The following GSKIP variants were observed in gnomAD, a reference collection of about 807,000 sequenced individuals.
The protein encoded by GSKIP is GSK3B-interacting protein.
In GSKIP, 5 loss-of-function variants were observed where a neutral mutation model predicts 11.9. The ratio of observed to expected loss-of-function variants is 0.42; its 90% confidence interval spans 0.22 to 0.89. The LOEUF is 0.89. Ranked by LOEUF, GSKIP falls within the 40% of genes least tolerant of loss-of-function variation. GSKIP has a pLI of 0.29. For missense variants in GSKIP, 150 were observed against 166.6 expected (o/e 0.90, Z 0.55); for synonymous variants, 70 against 62.9 (o/e 1.11, Z -0.54).
intron 1 of GSKIP, chr14:96,365,292 A>G (rs183103505): frequency 3.3e-5 from 5 of 152,062 alleles, no homozygotes; most frequent in Admixed American, 3.3e-4. Context: ...TTGTTTAATA[A>G]GATTACATTT....
intron 1 of GSKIP, among the ~76,000 whole-genome samples, chr14:96,369,556 C>G (rs545982172): frequency 6.6e-6 from 1 of 152,254 alleles, no homozygotes; most frequent in South Asian, 2.1e-4. Flanking sequence ...GAATGCTGCT[C>G]CCTGCATCCT....
At chr14:96,368,125 A>G (rs902694365) in intron 1 of GSKIP, among the ~76,000 whole-genome samples, 1 of 149,398 alleles carries the variant, frequency 6.7e-6, no homozygotes, top group African/African-American at 2.5e-5. Context: ...GTCTTTTCCT[A>G]GAGTCTCATT....
rs1889235872 is a variant in GSKIP at position 96,377,572 on chromosome 14, G to A, written c.-102-2116G>A. 2.0e-5 allele frequency among the ~76,000 whole-genome samples: 3 copies of A among 152,064 alleles called. No individual in the cohort carries two copies. The South Asian group carries it at 6.2e-4, about 32-fold the overall frequency. On this transcript the variant is annotated intron_variant, in intron 1 of 3. Transcript: ENST00000555181. ...ATATGTCTTAAATATTTTAATTGTG[G>A]TAGAATATTTATATAAGTGCTTATA...
rs1482688416 is a variant in GSKIP, at chr14:96,386,868, C to T, written c.*1184C>T. 6.6e-6 allele frequency: 1 copy of T among 152,548 alleles called. No individual in the cohort carries two copies. Among genetic ancestry groups the T allele is most frequent in the African/African-American group, 2.4e-5 (1 of 41,426 alleles). 9.4% of individuals were successfully genotyped at this position (152,548 alleles called of 1,614,324 possible). On this transcript the variant is annotated 3_prime_UTR_variant, in exon 4 of 4. Coordinates refer to ENST00000555181, the MANE Select transcript of GSKIP (RefSeq NM_016472.5). Reference sequence around the variant, plus strand: ...TTGGGGAGTTGTTTTTTAATGGTCACCTAAAGCAGCTGCTATAGAAATGTT... The same window carrying T: ...TTGGGGAGTTGTTTTTTAATGGTCATCTAAAGCAGCTGCTATAGAAATGTT...
rs1889374740 is a variant in GSKIP at position 96,382,498 on chromosome 14, G to C, written c.251G>C (p.Gly84Ala). 3 of 1,600,586 alleles carry C rather than the reference G, an allele frequency of 1.9e-6. No individual in the cohort carries two copies. Among genetic ancestry groups the C allele is most frequent in the Non-Finnish European group, 2.6e-6 (3 of 1,174,176 alleles). ...TATTGCCTAGAACTCACTGAAGCAG[G>C]GCTCAAGGTAACTCACTTTTCCTTT... Reference protein sequence around the residue: ...NRYCLELTEAGLKVVGYAFDQ... With the variant: ...NRYCLELTEAALKVVGYAFDQ... Residue 84 changes from glycine to alanine, a missense_variant, in exon 3 of 4, where the codon GGG becomes GCG. Physicochemically the swap from Gly to Ala is moderately conservative, Grantham distance 60. Transcript: ENST00000555181.
At chr14:96,377,984 C>A (rs1365021782) in intron 1 of GSKIP, among the ~76,000 whole-genome samples, 1 of 152,178 alleles carries the variant, frequency 6.6e-6, no homozygotes, top group Non-Finnish European at 1.5e-5. Context: ...ATGGGCTTGG[C>A]AAGTACTCTA....
chr14:96,369,688 A>G (rs931784505), intron 1 of GSKIP, among the ~76,000 whole-genome samples: 2 of 152,180 alleles, frequency 1.3e-5, no homozygotes, highest in Admixed American at 1.3e-4. Context: ...CAAAAGTGGC[A>G]GAGGCTTGGC....
chr14:96,381,948 T>C (rs1438707924), intron 2 of GSKIP, among the ~76,000 whole-genome samples: 1 of 152,218 alleles, frequency 6.6e-6, no homozygotes, highest in Non-Finnish European at 1.5e-5. Flanking sequence ...GGATTGTTAC[T>C]GAGGCATTAT....
intron 3 of GSKIP, among the ~76,000 whole-genome samples, chr14:96,382,796 C>T (rs895900626): frequency 7.2e-5 from 11 of 152,132 alleles, no homozygotes; most frequent in Non-Finnish European, 1.3e-4. Flanking sequence ...AATGTGTTCA[C>T]CAGAATTATA....
intron 1 of GSKIP, among the ~76,000 whole-genome samples, chr14:96,373,244 A>AG (rs1889102275): frequency 6.6e-6 from 1 of 151,372 alleles, no homozygotes; most frequent in Non-Finnish European, 1.5e-5. Flanking sequence ...AAAAAAAAAA[A>AG]AAAAAAAAGA....
chr14:96,385,961 ATACTAT>A lies in GSKIP; in HGVS notation c.*281_*286del, dbSNP rs1426769820. The A allele has an allele frequency of 3.3e-6, 1 of 307,510 alleles. No homozygotes were observed. The highest frequency in any genetic ancestry group is 2.2e-5 in the African/African-American group (1 of 45,448). The allele number at this position is 307,510 out of a possible 1,614,324, so 19.0% of individuals were successfully genotyped here. Reference sequence around the variant, plus strand: ...CATTTCAAATCCTAATCACTATTTCATACTATTACAGGGCTTTGATGCTGCCAGCAC... The same window carrying A: ...CATTTCAAATCCTAATCACTATTTCATACAGGGCTTTGATGCTGCCAGCAC... On this transcript the variant is annotated 3_prime_UTR_variant, in exon 4 of 4. Coordinates refer to ENST00000555181, the MANE Select transcript of GSKIP (RefSeq NM_016472.5).
rs535911266 is a variant in GSKIP, at chr14:96,384,798, A to G, written c.259-725A>G. ...TCGACCTGGTATTGCAAATACCTCC[A>G]GAAATAGTGTACCCCTACCAAGAAA... On this transcript the variant is annotated intron_variant, in intron 3 of 3. Transcript: ENST00000555181. 16 of 152,200 alleles carry G rather than the reference A, an allele frequency of 1.1e-4. No individual in the cohort carries two copies. The South Asian group carries it at 3.1e-3, about 30-fold the overall frequency. The allele number at this position is 152,200 out of a possible 1,614,324, so 9.4% of individuals were successfully genotyped here.
intron 1 of GSKIP, among the ~76,000 whole-genome samples, chr14:96,367,931 A>G (rs1003648215): frequency 1.2e-4 from 19 of 152,236 alleles, no homozygotes; most frequent in Admixed American, 1.1e-3. Flanking sequence ...TAGAGAACCA[A>G]TTTGGAGTTT....
At chr14:96,367,588 A>AT (rs1018166947) in intron 1 of GSKIP, among the ~76,000 whole-genome samples, 3 of 152,272 alleles carry the variant, frequency 2.0e-5, no homozygotes, top group Admixed American at 6.5e-5. Context: ...GTCTTTGCCC[A>AT]TTTTTTTGTC....
rs1566743915 is a variant in GSKIP, at chr14:96,375,434, C to CTTTTT, written c.-102-4253_-102-4252insTTTTT. Among the ~76,000 whole-genome samples the CTTTTT allele has an allele frequency of 1.7e-5, 2 of 115,528 alleles. 1 individual carries two copies. The allele number at this position is 115,528 out of a possible 152,430, so 75.8% of individuals were successfully genotyped here. On this transcript the variant is annotated intron_variant, in intron 1 of 3. Coordinates refer to ENST00000555181, the MANE Select transcript of GSKIP (RefSeq NM_016472.5). ...AGAAAAGAAATTTATTTCTTTTTCT[C>CTTTTT]TCTTTTTTTTTTTTTTTGAGACAGC...
In GSKIP at chr14:96,382,290, G is replaced by A. The variant is rs2139943335; in HGVS notation, c.43G>A (p.Gly15Arg). 6.2e-7 allele frequency: 1 copy of A among 1,612,628 alleles called. No individual in the cohort carries two copies. Among genetic ancestry groups the A allele is most frequent in the East Asian group, 2.2e-5 (1 of 44,850 alleles). Reference sequence around the variant, plus strand: ...TCCCATGGAGCTAAGCAGTATGTCAGGATTTGAAGAAGGTTCAGAGCTGAA... The same window carrying A: ...TCCCATGGAGCTAAGCAGTATGTCAAGATTTGAAGAAGGTTCAGAGCTGAA... ...CNPMELSSMS[G>R]FEEGSELNGF... The change falls in exon 3 of 4, where the codon GGA (glycine) becomes AGA (arginine). Residue 15 changes from glycine to arginine, a missense_variant. Coordinates refer to ENST00000555181, the MANE Select transcript of GSKIP (RefSeq NM_016472.5).
rs1406838462 is a variant in GSKIP at position 96,385,791 on chromosome 14, TA to T, written c.*108del. On this transcript the variant is annotated 3_prime_UTR_variant, in exon 4 of 4. Transcript: ENST00000555181. ...AAATGCATCTTTGGTTTTGTGTTTTTATCACTTGCTTCCAACTTAGGCTTTT... is the reference window on the plus strand; with the variant it reads ...AAATGCATCTTTGGTTTTGTGTTTTTTCACTTGCTTCCAACTTAGGCTTTT... 4.8e-6 allele frequency: 4 copies of T among 826,630 alleles called. No homozygotes were observed. In the South Asian group the frequency reaches 5.6e-5, roughly 12 times the overall value. The allele number at this position is 826,630 out of a possible 1,614,324, so 51.2% of individuals were successfully genotyped here. A position where few individuals can be genotyped will look rare whatever the true frequency, so the allele number is the denominator to read the frequency against.
Position 96,385,975 on chromosome 14 carries a change from C to A in GSKIP, c.*291C>A. 3.7e-6 allele frequency: 1 copy of A among 269,432 alleles called. No individual in the cohort carries two copies. The highest frequency in any genetic ancestry group is 7.2e-6 in the Non-Finnish European group (1 of 139,136). The allele number at this position is 269,432 out of a possible 1,614,324, so 16.7% of individuals were successfully genotyped here. ...ATCACTATTTCATACTATTACAGGG[C>A]TTTGATGCTGCCAGCACTGTCTTTT... is the stretch of plus-strand genomic sequence containing the variant. On this transcript the variant is annotated 3_prime_UTR_variant, in exon 4 of 4. Transcript: ENST00000555181.
Position 96,367,997 on chromosome 14 carries a change from T to G in GSKIP, c.-103+4429T>G, listed in dbSNP as rs181600090. On this transcript the variant is annotated intron_variant, in intron 1 of 3. Coordinates refer to ENST00000555181, the MANE Select transcript of GSKIP (RefSeq NM_016472.5). Reference sequence around the variant, plus strand: ...TGTCTCTGTAGATATTGATTTATGTTTGTTAGAATGTACTTTAAATATAGT... The same window carrying G: ...TGTCTCTGTAGATATTGATTTATGTGTGTTAGAATGTACTTTAAATATAGT... Among the ~76,000 whole-genome samples the G allele has an allele frequency of 2.0e-5, 3 of 152,312 alleles. No individual in the cohort carries two copies. In the East Asian group the frequency reaches 5.8e-4, roughly 29 times the overall value.
Sources: gnomAD v4.1 joint callset for allele counts (sites outside exome capture counted in the v4.1 genomes callset) on GRCh38, gnomAD v4.1.1 for gene constraint, MANE v1.5 for transcripts, NCBI Gene and HGNC (gene_info 2026-07-23, HGNC 2026-07-21) for gene names.